PRKN: variants seen among roughly 807,000 people sequenced by gnomAD.
PRKN encodes the protein E3 ubiquitin-protein ligase parkin.
A neutral mutation model predicts 59.5 loss-of-function variants in PRKN; 56 were observed. The observed-to-expected ratio is 0.94, with a 90% CI of 0.76 to 1.18. The LOEUF (loss-of-function observed/expected upper bound fraction) is 1.18, where lower values mean the gene tolerates loss of function less well. PRKN is among the 50% of genes most tolerant of loss of function. The pLI is 0.00. For missense variants in PRKN, 657 were observed against 596.4 expected, an observed-to-expected ratio of 1.10 and a Z score of -1.06; for synonymous variants, 250 against 222.1, an observed-to-expected ratio of 1.13 and a Z score of -1.12.
chr6:161,439,827 T>C (rs1789112360), intron 9 of PRKN, among the ~76,000 whole-genome samples: 1 of 152,190 alleles, frequency 6.6e-6, no homozygotes, highest in African/African-American at 2.4e-5. Context: ...AGTTTAATTA[T>C]GCAAGCAATC....
At chr6:162,223,079 A>G (rs1364880025) in intron 3 of PRKN, among the ~76,000 whole-genome samples, 1 of 143,672 alleles carries the variant, frequency 7.0e-6, no homozygotes, top group Non-Finnish European at 1.5e-5. Context: ...TCATTGTTCA[A>G]TTCCCACCTA....
chr6:162,370,330 A>C (rs1785688999), intron 2 of PRKN, among the ~76,000 whole-genome samples: 1 of 152,136 alleles, frequency 6.6e-6, no homozygotes, highest in African/African-American at 2.4e-5. Flanking sequence ...TTTTTAATAT[A>C]GAAAAAAAGG....
rs145298318 is a variant in PRKN at position 161,409,768 on chromosome 6, G to C, written c.1084-22891C>G. Among the ~76,000 whole-genome samples the C allele has an allele frequency of 6.6e-6, 1 of 152,104 alleles. No homozygotes were observed. Among genetic ancestry groups the C allele is most frequent in the African/African-American group, 2.4e-5 (1 of 41,410 alleles). ...GTTAGATGACAACCCCTTCAGCACC[G>C]GCCTGAAGAAAGCGCAGGCCCAGTG... On this transcript the variant is annotated intron_variant, in intron 9 of 11. Transcript: ENST00000366898. This position sits in a 1 kb window ranked among gnomAD's most constrained non-coding sequence, Gnocchi z 4.6.
At chr6:161,424,920 G>A (rs1788262974) in intron 9 of PRKN, among the ~76,000 whole-genome samples, 1 of 152,162 alleles carries the variant, frequency 6.6e-6, no homozygotes, top group Non-Finnish European at 1.5e-5. Flanking sequence ...CTAGTTAAAT[G>A]TGCTCTGAAA....
In PRKN at chr6:161,729,231, T is replaced by C. The variant is rs373637676; in HGVS notation, c.871+56541A>G. ...TTGACTATTATACTCTCCTATATGCTTAGACACTTCAACTCTAATAACACC... is the reference window on the plus strand; with the variant it reads ...TTGACTATTATACTCTCCTATATGCCTAGACACTTCAACTCTAATAACACC... On this transcript the variant is annotated intron_variant, in intron 7 of 11. Coordinates refer to ENST00000366898, the MANE Select transcript of PRKN (RefSeq NM_004562.3). Among the ~76,000 whole-genome samples, 41 of 152,298 alleles carry C rather than the reference T, an allele frequency of 2.7e-4. 1 individual carries two copies. The highest frequency in any genetic ancestry group is 9.9e-4 in the African/African-American group (41 of 41,560).
At chr6:162,006,802 T>C (rs930713939) in intron 5 of PRKN, among the ~76,000 whole-genome samples, 9 of 152,184 alleles carry the variant, frequency 5.9e-5, no homozygotes. Context: ...ATCTCCATCA[T>C]GGCACTTATT....
At chr6:162,010,973 AAATATAT>A (rs1782602140) in intron 5 of PRKN, among the ~76,000 whole-genome samples, 1 of 11,258 alleles carries the variant, frequency 8.9e-5, no homozygotes, top group Non-Finnish European at 1.3e-4. Context: ...AAATAATATA[AAATATAT>A]AATATATATT....
At chr6:162,184,969 T>TG (rs201276640) in intron 4 of PRKN, among the ~76,000 whole-genome samples, 1,870 of 151,980 alleles carry the variant, frequency 0.012, 20 homozygotes, top group African/African-American at 0.018. Context: ...AAAATAAGGG[T>TG]GGGGGGGTGC....
rs527775211 is a variant in PRKN at position 162,035,319 on chromosome 6, C to T, written c.618+18772G>A. Among the ~76,000 whole-genome samples the T allele has an allele frequency of 1.2e-4, 18 of 152,272 alleles. No individual in the cohort carries two copies. In the South Asian group the frequency reaches 3.7e-3, roughly 32 times the overall value. On this transcript the variant is annotated intron_variant, in intron 5 of 11. Transcript: ENST00000366898. Reference sequence around the variant, plus strand: ...TCGAACATCTCCCACCAGGCCCCACCTCCAACACTGGGGATTAAATTTCAA... The same window carrying T: ...TCGAACATCTCCCACCAGGCCCCACTTCCAACACTGGGGATTAAATTTCAA...
At chr6:162,016,503 C>T (rs1281496674) in intron 5 of PRKN, among the ~76,000 whole-genome samples, 1 of 152,078 alleles carries the variant, frequency 6.6e-6, no homozygotes, top group Non-Finnish European at 1.5e-5. Context: ...ACTTTCATCT[C>T]CCATCACGAG....
intron 2 of PRKN, among the ~76,000 whole-genome samples, chr6:162,370,048 G>C (rs1019024932): frequency 6.6e-6 from 1 of 152,166 alleles, no homozygotes; most frequent in African/African-American, 2.4e-5. Context: ...TTTTTGAGTG[G>C]TAATTCTTGA....
At chr6:162,221,982 A>G (rs1401993084) in intron 3 of PRKN, among the ~76,000 whole-genome samples, 1 of 152,202 alleles carries the variant, frequency 6.6e-6, no homozygotes, top group Admixed American at 6.5e-5. Flanking sequence ...AAGATGACGT[A>G]CCAGTTGGAG....
At chr6:161,474,277 C>T (rs1790955132) in intron 9 of PRKN, among the ~76,000 whole-genome samples, 1 of 152,166 alleles carries the variant, frequency 6.6e-6, no homozygotes, top group Admixed American at 6.5e-5. Context: ...ATAACTCTTA[C>T]CTTGTTGGCT....
chr6:162,675,100 G>A (rs557961301), intron 1 of PRKN, among the ~76,000 whole-genome samples: 1 of 151,320 alleles, frequency 6.6e-6, no homozygotes, highest in African/African-American at 2.4e-5. Context: ...CGGCTGGAGT[G>A]CAGTGGCGCG....
intron 9 of PRKN, among the ~76,000 whole-genome samples, chr6:161,431,187 G>A (rs1788633086): frequency 6.6e-6 from 1 of 151,088 alleles, no homozygotes; most frequent in Non-Finnish European, 1.5e-5. Context: ...GTTTTCCCAT[G>A]TATTTAATGT....
Position 162,262,654 on chromosome 6 carries a change from A to G in PRKN, c.283T>C (p.Cys95Arg), listed in dbSNP as rs1779940877. 6.2e-7 allele frequency: 1 copy of G among 1,613,734 alleles called. No individual in the cohort carries two copies. Among genetic ancestry groups the G allele is most frequent in the Non-Finnish European group, 8.5e-7 (1 of 1,179,974 alleles). The change falls in exon 3 of 12, where the codon TGT becomes CGT. Residue 95 changes from cysteine to arginine, a missense_variant. Physicochemically the swap from Cys to Arg is radical, Grantham distance 180 (BLOSUM62 -3). Transcript: ENST00000366898. ...GDDPRNAAGGCEREPQSLTRV... is the reference protein window; with the variant it reads ...GDDPRNAAGGREREPQSLTRV... ...GTCAAGCTCTGGGGCTCCCGCTCACAGCCTCCCGCCGCGTTTCTGGGGTCG... is the reference window on the plus strand; with the variant it reads ...GTCAAGCTCTGGGGCTCCCGCTCACGGCCTCCCGCCGCGTTTCTGGGGTCG...
chr6:162,480,719 T>G (rs951646457), intron 1 of PRKN, among the ~76,000 whole-genome samples: 10 of 152,050 alleles, frequency 6.6e-5, no homozygotes, highest in African/African-American at 2.4e-4. Flanking sequence ...AACCCATAAA[T>G]GATGAGGCCA....
chr6:161,669,584 C>T (rs962635177), intron 7 of PRKN, among the ~76,000 whole-genome samples: 2 of 152,228 alleles, frequency 1.3e-5, no homozygotes, highest in African/African-American at 4.8e-5. Flanking sequence ...TCAGCATGCC[C>T]AATATGTAAC....
At position 161,463,569 on chromosome 6, in the gene PRKN, C is replaced by T. The variant is rs1254541200; in HGVS notation, c.1084-76692G>A. Among the ~76,000 whole-genome samples the T allele has an allele frequency of 6.6e-6, 1 of 152,152 alleles. No homozygotes were observed. On this transcript the variant is annotated intron_variant, in intron 9 of 11. Coordinates refer to ENST00000366898, the MANE Select transcript of PRKN (RefSeq NM_004562.3). The surrounding 1 kb of genome is among the most constrained non-coding windows in gnomAD (Gnocchi z 4.8). ...ATACCTACCAGATGCTTTCTTTGAC[C>T]ATCTTGATATCCAGATATGGAGTAT...
Sources: allele counts gnomAD v4.1 joint callset (sites outside exome capture counted in the v4.1 genomes callset), GRCh38; gene constraint gnomAD v4.1.1; non-coding constraint Gnocchi (gnomAD v3.1); transcripts MANE v1.5; gene names NCBI Gene and HGNC (gene_info 2026-07-23, HGNC 2026-07-21).